The following SORCS1 variants were observed in gnomAD, a reference collection of about 807,000 sequenced individuals.
SORCS1 encodes the protein VPS10 domain-containing receptor SorCS1.
A neutral mutation model predicts 146.1 loss-of-function variants in SORCS1; 60 were observed. The ratio of observed to expected loss-of-function variants is 0.41; its 90% CI spans 0.33 to 0.51. SORCS1 has a LOEUF of 0.51. Among genes scored for constraint, SORCS1 ranks in the 20% least tolerant of loss-of-function variants. The probability of loss-of-function intolerance (pLI) is 0.21; values close to 1 mark genes in which losing one functional copy is unlikely to be tolerated. For missense variants in SORCS1, 1,352 were observed against 1,487.6 expected, an observed-to-expected ratio of 0.91 and a Z score of 1.50; for synonymous variants, 637 against 584.0, an observed-to-expected ratio of 1.09 and a Z score of -1.31.
intron 1 of SORCS1, among the ~76,000 whole-genome samples, chr10:106,963,670 T>TGGG (rs141135268): frequency 4.0e-5 from 6 of 150,472 alleles, no homozygotes; most frequent in African/African-American, 1.5e-4. Flanking sequence ...TCTTGAATCC[T>TGGG]GGGGGGGGGC....
intron 3 of SORCS1, among the ~76,000 whole-genome samples, chr10:106,797,843 T>C (rs1420234473): frequency 6.6e-6 from 1 of 152,116 alleles, no homozygotes; most frequent in Non-Finnish European, 1.5e-5. Context: ...GGCACACAGA[T>C]GTAAAAAGTA....
At chr10:107,112,248 G>C (rs1022969387) in intron 1 of SORCS1, among the ~76,000 whole-genome samples, 8 of 152,116 alleles carry the variant, frequency 5.3e-5, no homozygotes, top group African/African-American at 1.9e-4. Context: ...ATAAAAAAAT[G>C]GGAAATGGGG....
chr10:106,631,006 A>G (rs956476028), intron 18 of SORCS1, among the ~76,000 whole-genome samples: 1 of 152,246 alleles, frequency 6.6e-6, no homozygotes, highest in South Asian at 2.1e-4. Context: ...TCAGGAAAGA[A>G]AAAAACAAAA....
At chr10:106,812,634 T>C (rs1311708291) in intron 3 of SORCS1, among the ~76,000 whole-genome samples, 11 of 152,090 alleles carry the variant, frequency 7.2e-5, no homozygotes, top group Non-Finnish European at 1.3e-4. Context: ...ACTGAAAAAG[T>C]GGGGGGAGAG....
intron 2 of SORCS1, among the ~76,000 whole-genome samples, chr10:106,951,130 C>G (rs1409653621): frequency 1.3e-5 from 2 of 152,160 alleles, no homozygotes; most frequent in African/African-American, 2.4e-5. Flanking sequence ...GCTTCAATAA[C>G]TTATTCAATA....
chr10:106,601,449 C>A (rs763057413), intron 23 of SORCS1, among the ~76,000 whole-genome samples: 1 of 152,162 alleles, frequency 6.6e-6, no homozygotes, highest in Non-Finnish European at 1.5e-5. Context: ...TCAAGTGCAA[C>A]CTACATTTCA....
intron 1 of SORCS1, among the ~76,000 whole-genome samples, chr10:107,092,883 GAAAAAAAAAA>G (rs34184443): frequency 7.0e-4 from 43 of 61,534 alleles, no homozygotes; most frequent in African/African-American, 2.5e-3. Flanking sequence ...AGAAGACCAT[GAAAAAAAAAA>G]AAAAAAAAAA....
intron 1 of SORCS1, among the ~76,000 whole-genome samples, chr10:107,043,030 G>C (rs998156835): frequency 2.0e-5 from 3 of 152,096 alleles, no homozygotes; most frequent in Non-Finnish European, 4.4e-5. Context: ...AAGATCCCAG[G>C]CTTCTAATTC....
intron 21 of SORCS1, among the ~76,000 whole-genome samples, chr10:106,617,223 G>A (rs1040036402): frequency 6.6e-6 from 1 of 151,930 alleles, no homozygotes; most frequent in African/African-American, 2.4e-5. Context: ...CCAGTGCTGC[G>A]ATTACAGAAG....
chr10:106,911,802 G>T (rs1952170127), intron 2 of SORCS1, among the ~76,000 whole-genome samples: 1 of 152,022 alleles, frequency 6.6e-6, no homozygotes, highest in Admixed American at 6.6e-5. Flanking sequence ...GGGGACTCAG[G>T]CATCAGTTTA....
intron 1 of SORCS1, among the ~76,000 whole-genome samples, chr10:107,125,070 C>T (rs759175856): frequency 9.3e-5 from 14 of 151,232 alleles, no homozygotes; most frequent in African/African-American, 1.9e-4. Context: ...CCCCTGCCTC[C>T]GCCTCCCAAG....
chr10:107,134,502 G>T (rs1967115656), intron 1 of SORCS1, among the ~76,000 whole-genome samples: 1 of 152,136 alleles, frequency 6.6e-6, no homozygotes, highest in Non-Finnish European at 1.5e-5. Flanking sequence ...ATCTGGACGT[G>T]GTGGCACGTG....
intron 1 of SORCS1, among the ~76,000 whole-genome samples, chr10:107,118,184 C>A (rs757746046): frequency 6.8e-6 from 1 of 147,120 alleles, no homozygotes; most frequent in Non-Finnish European, 1.5e-5. Context: ...AAATAAGATC[C>A]CTTCTACCTC....
intron 1 of SORCS1, among the ~76,000 whole-genome samples, chr10:107,106,446 A>G (rs981949762): frequency 1.3e-5 from 2 of 152,200 alleles, no homozygotes; most frequent in Middle Eastern, 3.2e-3. Flanking sequence ...CAGACCTGAC[A>G]ACTACCTATT....
chr10:106,818,370 T>TA (rs386372378), intron 3 of SORCS1, among the ~76,000 whole-genome samples: 1 of 55,418 alleles, frequency 1.8e-5, no homozygotes, highest in African/African-American at 6.6e-5. Context: ...GTCATGAGGA[T>TA]TTTTTTTTTT....
upstream of SORCS1, among the ~76,000 whole-genome samples, chr10:107,169,250 T>C (rs189197755): frequency 3.3e-5 from 5 of 152,298 alleles, no homozygotes; most frequent in African/African-American, 1.2e-4. Context: ...TTGGATACCA[T>C]TGAGACAAAG....
At chr10:106,616,733 T>C (rs1847389384) in intron 21 of SORCS1, among the ~76,000 whole-genome samples, 1 of 152,208 alleles carries the variant, frequency 6.6e-6, no homozygotes, top group African/African-American at 2.4e-5. Flanking sequence ...AAAGGAATAG[T>C]GTCCTTAAGG....
chr10:106,968,044 GA>G (rs34595773), intron 1 of SORCS1, among the ~76,000 whole-genome samples: 628 of 127,866 alleles, frequency 4.9e-3, no homozygotes, highest in Middle Eastern at 8.0e-3. Context: ...CTCTACTAAA[GA>G]AAAAAAAAAA....
intron 9 of SORCS1, among the ~76,000 whole-genome samples, chr10:106,696,455 G>GT (rs1853711424): frequency 6.6e-6 from 1 of 152,154 alleles, no homozygotes; most frequent in Non-Finnish European, 1.5e-5. Context: ...CGGCACTGCC[G>GT]TTCTGATCAC....
Sources: gnomAD v4.1 joint callset for allele counts (sites outside exome capture counted in the v4.1 genomes callset) on GRCh38, gnomAD v4.1.1 for gene constraint, MANE v1.5 for transcripts, NCBI Gene and HGNC (gene_info 2026-07-23, HGNC 2026-07-21) for gene names.